Variants in FGD4 observed in about 807,000 individuals in gnomAD.
FGD4 encodes the protein FYVE, RhoGEF and PH domain-containing protein 4.
Under a neutral mutation model 102.0 loss-of-function variants are expected in FGD4, and 42 were observed. The ratio of observed to expected loss-of-function variants is 0.41; its 90% CI spans 0.32 to 0.53. FGD4 has a LOEUF of 0.53. FGD4 is among the 20% of genes least tolerant of loss of function. The probability of loss-of-function intolerance (pLI) is 0.21; values close to 1 mark genes in which losing one functional copy is unlikely to be tolerated. For missense variants in FGD4, 902 were observed against 1,078.2 expected (o/e 0.84, Z 2.29); for synonymous variants, 380 against 375.7 (o/e 1.01, Z -0.13).
rs547304339 is a variant in FGD4, at chr12:32,405,745, G to A, written c.166+5786G>A. Among the ~76,000 whole-genome samples, 5 of 152,148 alleles carry A rather than the reference G, an allele frequency of 3.3e-5. No individual in the cohort carries two copies. The South Asian group carries it at 8.3e-4, about 25-fold the overall frequency. On this transcript the variant is annotated intron_variant, in intron 1 of 16. Transcript: ENST00000534526. ...TGTTGAGGGAACGGGAACTTGATTG[G>A]GGGTCTGCCTGAGGTCACCTGCTGT...
chr12:32,633,848 T>A (rs1950637639), intron 15 of FGD4, among the ~76,000 whole-genome samples, 159 bp downstream of exon 15: 1 of 152,220 alleles, frequency 6.6e-6, no homozygotes, highest in Non-Finnish European at 1.5e-5. Context: ...CATGCCCGGC[T>A]AATTTTTGTA....
At chr12:32,484,279 T>C (rs778433689) in intron 1 of FGD4, among the ~76,000 whole-genome samples, 1 of 152,220 alleles carries the variant, frequency 6.6e-6, no homozygotes, top group Non-Finnish European at 1.5e-5. Flanking sequence ...ACTTGTTGGT[T>C]CATAAGCTGC....
intron 1 of FGD4, among the ~76,000 whole-genome samples, chr12:32,430,793 TAGA>T (rs892930703): frequency 5.3e-5 from 8 of 152,210 alleles, no homozygotes; most frequent in African/African-American, 1.9e-4. Context: ...CTGTCCAAAG[TAGA>T]AGAACTAGCT....
intron 1 of FGD4, among the ~76,000 whole-genome samples, chr12:32,465,909 G>A (rs897587661): frequency 6.6e-6 from 1 of 152,068 alleles, no homozygotes; most frequent in African/African-American, 2.4e-5. Context: ...CTCTCAAGCA[G>A]CTGGGACCAC....
At chr12:32,407,203 G>T (rs1940976663) in intron 1 of FGD4, among the ~76,000 whole-genome samples, 1 of 141,188 alleles carries the variant, frequency 7.1e-6, no homozygotes, top group South Asian at 2.2e-4. Context: ...TCGGCTCACT[G>T]CAACCTCCCC....
intron 1 of FGD4, among the ~76,000 whole-genome samples, chr12:32,503,633 T>C (rs1938423803): frequency 6.6e-6 from 1 of 152,196 alleles, no homozygotes; most frequent in South Asian, 2.1e-4. Context: ...TTTCTTAAGG[T>C]ACAAAATTAG....
chr12:32,566,371 C>G (rs1463189336), intron 2 of FGD4, among the ~76,000 whole-genome samples: 1 of 152,132 alleles, frequency 6.6e-6, no homozygotes, highest in Non-Finnish European at 1.5e-5. Context: ...TTTTGGGACA[C>G]AAACAAACAC....
chr12:32,542,317 AAAAT>A (rs1942909204), intron 1 of FGD4, among the ~76,000 whole-genome samples: 1 of 152,238 alleles, frequency 6.6e-6, no homozygotes, highest in Admixed American at 6.5e-5. Context: ...CAAGTTTAGA[AAAAT>A]AAACCAGCAA....
At chr12:32,598,726 A>G (rs2136610075) in intron 5 of FGD4, 140 bp downstream of exon 5, 1 of 689,802 alleles carries the variant, frequency 1.4e-6, no homozygotes, top group African/African-American at 1.8e-5. Context: ...GGAAATCTCC[A>G]GCACTTTGAG....
intron 1 of FGD4, among the ~76,000 whole-genome samples, chr12:32,521,914 A>G (rs1398818690): frequency 6.6e-6 from 1 of 152,208 alleles, no homozygotes; most frequent in Admixed American, 6.5e-5. Context: ...AATCCTTAGC[A>G]TAGTACCGAA....
chr12:32,416,749 T>C (rs986921141), intron 1 of FGD4, among the ~76,000 whole-genome samples: 6 of 152,204 alleles, frequency 3.9e-5, no homozygotes, highest in African/African-American at 1.4e-4. Flanking sequence ...TTATTTCTGA[T>C]GGGTTCATGG....
At chr12:32,415,283 T>C (rs1796535962) in intron 1 of FGD4, among the ~76,000 whole-genome samples, 1 of 152,168 alleles carries the variant, frequency 6.6e-6, no homozygotes, top group Non-Finnish European at 1.5e-5. Flanking sequence ...TAAATACTTA[T>C]TAGGTTCATT....
rs1051113754 is a variant in FGD4, at chr12:32,642,017, T to C, written c.*1484T>C. Reference sequence around the variant, plus strand: ...TCCCACTATCTTTAGTATGTAAGGATTACACCTTAGATATAGAATAGAATT... The same window carrying C: ...TCCCACTATCTTTAGTATGTAAGGACTACACCTTAGATATAGAATAGAATT... On this transcript the variant is annotated 3_prime_UTR_variant, in exon 17 of 17. Coordinates refer to ENST00000534526, the MANE Select transcript of FGD4 (RefSeq NM_001370298.3). The C allele has an allele frequency of 3.3e-5, 5 of 152,146 alleles. No individual in the cohort carries two copies. Among genetic ancestry groups the C allele is most frequent in the African/African-American group, 4.8e-5 (2 of 41,450 alleles). 9.4% of individuals were successfully genotyped at this position (152,146 alleles called of 1,614,324 possible).
At chr12:32,530,962 T>G (rs1321319861) in intron 1 of FGD4, among the ~76,000 whole-genome samples, 1 of 135,490 alleles carries the variant, frequency 7.4e-6, no homozygotes, top group South Asian at 2.5e-4. Flanking sequence ...TTTTTTTTTT[T>G]TTTTTTTTGA....
At chr12:32,488,012 G>T (rs537811815) in intron 1 of FGD4, among the ~76,000 whole-genome samples, 1 of 152,272 alleles carries the variant, frequency 6.6e-6, no homozygotes, top group Non-Finnish European at 1.5e-5. Context: ...TCCAAGTCTT[G>T]TATGAATGAA....
At chr12:32,520,442 T>TTTTTTG (rs1439197130) in intron 1 of FGD4, among the ~76,000 whole-genome samples, 2 of 147,946 alleles carry the variant, frequency 1.4e-5, no homozygotes, top group Non-Finnish European at 1.5e-5. Flanking sequence ...TGTTTTTTGT[T>TTTTTTG]TTTTTTTTTT....
intron 1 of FGD4, among the ~76,000 whole-genome samples, chr12:32,401,761 G>A (rs7312698): frequency 7.3e-6 from 1 of 137,486 alleles, no homozygotes; most frequent in East Asian, 2.1e-4. Flanking sequence ...GCAGTTTTGC[G>A]CTTGTCCCGC....
intron 7 of FGD4, among the ~76,000 whole-genome samples, chr12:32,606,358 C>T (rs1301784199): frequency 6.6e-6 from 1 of 151,894 alleles, no homozygotes; most frequent in Non-Finnish European, 1.5e-5. Flanking sequence ...TCTAATGATA[C>T]AACTGTCATG....
chr12:32,432,103 A>G (rs1251737636), intron 1 of FGD4, among the ~76,000 whole-genome samples: 1 of 133,798 alleles, frequency 7.5e-6, no homozygotes, highest in African/African-American at 2.8e-5. Context: ...TCTGTTGCCC[A>G]GGCTGGAGTG....
Sources: allele counts gnomAD v4.1 joint callset (sites outside exome capture counted in the v4.1 genomes callset), GRCh38; gene constraint gnomAD v4.1.1; transcripts MANE v1.5; gene names NCBI Gene and HGNC (gene_info 2026-07-23, HGNC 2026-07-21).